The following SLC71A1 variants were observed in gnomAD, a reference collection of about 807,000 sequenced individuals.
The protein encoded by SLC71A1 is hippocampus abundant gene transcript 1.
chr1:100,064,681 C>T, the SLC71A1 span, among the ~76,000 whole-genome samples: 2 of 151,852 alleles, frequency 1.3e-5, no homozygotes, highest in African/African-American at 4.8e-5. Flanking sequence ...TGAGATTGAT[C>T]CATGTTGATA....
the SLC71A1 span, among the ~76,000 whole-genome samples, chr1:100,049,124 A>G: frequency 6.6e-6 from 1 of 152,104 alleles, no homozygotes; most frequent in Non-Finnish European, 1.5e-5. Flanking sequence ...TCTCCATTTT[A>G]TCCTTTAGGA....
chr1:100,068,675 G>A, the SLC71A1 span: 1 of 821,878 alleles, frequency 1.2e-6, no homozygotes, highest in South Asian at 1.6e-5. Flanking sequence ...TGTAATAGAA[G>A]TGGCCTTTAA....
chr1:100,070,612 C>A, the SLC71A1 span, among the ~76,000 whole-genome samples: 1 of 152,126 alleles, frequency 6.6e-6, no homozygotes, highest in African/African-American at 2.4e-5. Flanking sequence ...GGAGATATTT[C>A]ATCCTGGCTT....
chr1:100,049,876 T>A, the SLC71A1 span: 1 of 1,173,070 alleles, frequency 8.5e-7, no homozygotes, highest in South Asian at 1.3e-5. Context: ...TGTTAACTTT[T>A]TTTAACTTTT....
chr1:100,038,706 C>T, the SLC71A1 span, among the ~76,000 whole-genome samples: 1 of 152,152 alleles, frequency 6.6e-6, no homozygotes, highest in African/African-American at 2.4e-5. Context: ...CCCGCGGAGC[C>T]GTCGCCGCGC....
the SLC71A1 span, among the ~76,000 whole-genome samples, chr1:100,048,435 CT>C: frequency 6.6e-6 from 1 of 152,116 alleles, no homozygotes; most frequent in Non-Finnish European, 1.5e-5. Context: ...CCACCTTGGC[CT>C]CCCAAAGTGC....
the SLC71A1 span, among the ~76,000 whole-genome samples, chr1:100,044,319 CAT>C: frequency 6.6e-6 from 1 of 152,062 alleles, no homozygotes; most frequent in African/African-American, 2.4e-5. Context: ...AGCATCTTTT[CAT>C]ATGTTTGTTG....
chr1:100,072,821 A>G, the SLC71A1 span, among the ~76,000 whole-genome samples: 176 of 152,226 alleles, frequency 1.2e-3, no homozygotes, highest in African/African-American at 1.5e-3. Context: ...CACTTGCACT[A>G]AGTAAGTGTT....
the SLC71A1 span, chr1:100,060,025 A>G: frequency 3.2e-6 from 5 of 1,572,250 alleles, no homozygotes; most frequent in Non-Finnish European, 4.3e-6. Context: ...CATTTAGATT[A>G]TAGCAACTAA....
chr1:100,047,794 A>G, the SLC71A1 span, among the ~76,000 whole-genome samples: 3 of 152,124 alleles, frequency 2.0e-5, no homozygotes, highest in Non-Finnish European at 4.4e-5. Context: ...TTTTGCATCA[A>G]TGTTCATCAG....
At chr1:100,050,110 A>G in the SLC71A1 span, 1 of 634,732 alleles carries the variant, frequency 1.6e-6, no homozygotes, top group South Asian at 1.9e-5. Flanking sequence ...TTCTCCCACC[A>G]GTATTGTTCA....
chr1:100,071,655 A>G, the SLC71A1 span, among the ~76,000 whole-genome samples: 2 of 152,226 alleles, frequency 1.3e-5, no homozygotes, highest in African/African-American at 4.8e-5. Flanking sequence ...CTAATACTGT[A>G]ATGACACATA....
At chr1:100,059,408 G>A in the SLC71A1 span, among the ~76,000 whole-genome samples, 7 of 151,452 alleles carry the variant, frequency 4.6e-5, no homozygotes, top group African/African-American at 1.2e-4. Context: ...ATCTGCCCTC[G>A]ACCTCCCAAA....
the SLC71A1 span, among the ~76,000 whole-genome samples, chr1:100,055,160 A>G: frequency 6.6e-6 from 1 of 152,152 alleles, no homozygotes; most frequent in Admixed American, 6.5e-5. Context: ...TCTTTCTAAC[A>G]CCAAACCTGT....
chr1:100,043,721 C>T, the SLC71A1 span, among the ~76,000 whole-genome samples: 1 of 152,084 alleles, frequency 6.6e-6, no homozygotes, highest in Non-Finnish European at 1.5e-5. Flanking sequence ...CTCAAGCTTC[C>T]CCCCCATCCT....
At chr1:100,065,749 C>T in the SLC71A1 span, among the ~76,000 whole-genome samples, 1 of 150,310 alleles carries the variant, frequency 6.7e-6, no homozygotes, top group Non-Finnish European at 1.5e-5. Flanking sequence ...CTTTTCTCTT[C>T]CCCTTTCCCC....
chr1:100,082,291 TC>T, the SLC71A1 span: 1 of 1,046,984 alleles, frequency 9.6e-7, no homozygotes, highest in Non-Finnish European at 1.4e-6. Flanking sequence ...TCCATTTCCA[TC>T]CACAGTGTAC....
At chr1:100,040,987 A>G in the SLC71A1 span, among the ~76,000 whole-genome samples, 6 of 152,310 alleles carry the variant, frequency 3.9e-5, no homozygotes, top group African/African-American at 1.2e-4. Flanking sequence ...GGTCAATGGT[A>G]CTGATTTGAT....
At chr1:100,052,087 T>C in the SLC71A1 span, among the ~76,000 whole-genome samples, 1 of 152,152 alleles carries the variant, frequency 6.6e-6, no homozygotes, top group Non-Finnish European at 1.5e-5. Flanking sequence ...TAGTAACTTG[T>C]TTGTACCCAT....
Sources: gnomAD v4.1 joint callset for allele counts (sites outside exome capture counted in the v4.1 genomes callset) on GRCh38, gnomAD v4.1.1 for gene constraint, MANE v1.5 for transcripts, NCBI Gene and HGNC (gene_info 2026-07-23, HGNC 2026-07-21) for gene names.